Variants in NDE1 observed in about 807,000 individuals in gnomAD.
The protein encoded by NDE1 is nudE neurodevelopment protein 1.
In NDE1, 28 loss-of-function variants were observed where a neutral mutation model predicts 43.4. That is an observed-to-expected ratio of 0.65 (90% CI 0.48 to 0.89). The LOEUF is 0.89. NDE1 is among the 40% of genes least tolerant of loss of function. NDE1 has a pLI of 0.00. For synonymous variants in NDE1, 184 were observed against 172.0 expected (o/e 1.07, Z -0.55); for missense variants, 441 against 434.1 (o/e 1.02, Z -0.14).
In NDE1 at chr16:15,686,462, G is replaced by C. The variant is rs1016683920; in HGVS notation, c.387-913G>C. Reference sequence around the variant, plus strand: ...GGTTGTGAGCAGGGCAGCTGGGCTGGTACTGGGCATTTTGAACTTCCACTG... The same window carrying C: ...GGTTGTGAGCAGGGCAGCTGGGCTGCTACTGGGCATTTTGAACTTCCACTG... On this transcript the variant is annotated intron_variant, in intron 4 of 8. Coordinates refer to ENST00000396354, the MANE Select transcript of NDE1 (RefSeq NM_017668.3). The C allele has an allele frequency of 1.1e-5, 11 of 985,248 alleles. No homozygotes were observed. The African/African-American group carries it at 1.4e-4, about 13-fold the overall frequency. The allele number at this position is 985,248 out of a possible 1,614,324, so 61.0% of individuals were successfully genotyped here.
Position 15,725,447 on chromosome 16 carries a change from C to T in NDE1, c.*1196C>T, listed in dbSNP as rs2040706282. The T allele has an allele frequency of 2.2e-6, 1 of 444,476 alleles. No individual in the cohort carries two copies. Among genetic ancestry groups the T allele is most frequent in the Non-Finnish European group, 3.9e-6 (1 of 257,448 alleles). The allele number at this position is 444,476 out of a possible 1,614,324, so 27.5% of individuals were successfully genotyped here. The stretch of plus-strand genomic sequence containing the variant: ...GATGCTGTCCCATCCCTTCCTTCCT[C>T]ACTCCTACTCTTTGACCCTGATGGC... On this transcript the variant is annotated 3_prime_UTR_variant, in exon 9 of 9. Transcript: ENST00000396354.
Position 15,708,726 on chromosome 16 carries a change from T to C in NDE1, c.947+11866T>C, listed in dbSNP as rs375413331. The stretch of plus-strand genomic sequence containing the variant: ...ATGTGCAAGGGTTTAAAAATTGGGG[T>C]GGGCAGAGGGGCGCATTGGGCAGAA... On this transcript the variant is annotated intron_variant, in intron 8 of 8. Transcript: ENST00000396354. 9.1e-3 allele frequency: 13,197 copies of C among 1,452,414 alleles called. 84 individuals carry two copies. Among genetic ancestry groups the C allele is most frequent in the Middle Eastern group, 0.013 (75 of 5,686 alleles). 90.0% of individuals were successfully genotyped at this position (1,452,414 alleles called of 1,614,324 possible).
chr16:15,688,070 G>A (rs1277738298), intron 5 of NDE1, among the ~76,000 whole-genome samples: 2 of 152,190 alleles, frequency 1.3e-5, no homozygotes, highest in Non-Finnish European at 2.9e-5. Flanking sequence ...CAGCTACTCA[G>A]GAAGCCAAGG....
chr16:15,720,770 A>C, intron 8 of NDE1: 1 of 1,492,288 alleles, frequency 6.7e-7, no homozygotes. Flanking sequence ...CACACCAACC[A>C]TGAGAGTGGT....
chr16:15,650,322 G>A, intron 1 of NDE1, 28 bp downstream of exon 1: 2 of 255,976 alleles, frequency 7.8e-6, no homozygotes, highest in South Asian at 6.2e-5. Context: ...CGGGGCTGGG[G>A]TCGGGGTGGC....
intron 7 of NDE1, chr16:15,694,795 T>C: frequency 1.0e-6 from 1 of 985,396 alleles, no homozygotes; most frequent in Non-Finnish European, 1.2e-6. Context: ...CTCTTTCCTT[T>C]TACCGTTTTT....
intron 8 of NDE1, chr16:15,714,800 A>C: frequency 7.6e-7 from 1 of 1,316,720 alleles, no homozygotes; most frequent in Non-Finnish European, 1.1e-6. Flanking sequence ...CACAGAAGGG[A>C]GTGGCGGCTG....
chr16:15,676,883 C>T (rs1179012935), intron 3 of NDE1, among the ~76,000 whole-genome samples: 1 of 152,236 alleles, frequency 6.6e-6, no homozygotes, highest in East Asian at 1.9e-4. Flanking sequence ...GCTGGTGACT[C>T]TCTTTGTAAT....
At chr16:15,686,384 T>C (rs1029766640) in intron 4 of NDE1, 2 of 985,450 alleles carry the variant, frequency 2.0e-6, no homozygotes, top group Admixed American at 1.2e-4. Flanking sequence ...GATTGTTTTC[T>C]TACAGCACTT....
At chr16:15,679,767 T>C (rs1685401802) in intron 4 of NDE1, among the ~76,000 whole-genome samples, 1 of 150,940 alleles carries the variant, frequency 6.6e-6, no homozygotes. Flanking sequence ...TCCCACAGAC[T>C]ATTAGTTGTT....
At chr16:15,711,050 GCTGTACTTTGGGAGCCTAGGC>G (rs1190154006) in intron 8 of NDE1, 1 of 152,264 alleles carries the variant, frequency 6.6e-6, no homozygotes, top group Non-Finnish European at 1.5e-5. Context: ...CCAGGCCCCT[GCTGTACTTTGGGAGCCTAGGC>G]CTGGTTTCTC....
Position 15,724,255 on chromosome 16 carries a change from C to T in NDE1, c.*4C>T. On this transcript the variant is annotated 3_prime_UTR_variant, in exon 9 of 9. Transcript: ENST00000396354. The stretch of plus-strand genomic sequence containing the variant: ...CAGGTCGTCCAGCTCCTGCTGAAGC[C>T]TGTTCTTGGTCTTTTCCAGTTTATC... 6.2e-7 allele frequency: 1 copy of T among 1,614,208 alleles called. No individual in the cohort carries two copies.
intron 1 of NDE1, among the ~76,000 whole-genome samples, chr16:15,658,450 C>T (rs946613017): frequency 6.6e-6 from 1 of 152,172 alleles, no homozygotes; most frequent in African/African-American, 2.4e-5. Context: ...GTTAGGCCCA[C>T]CCATGAGCTG....
chr16:15,717,367 G>C, intron 8 of NDE1: 1 of 1,602,598 alleles, frequency 6.2e-7, no homozygotes, highest in Non-Finnish European at 8.5e-7. Context: ...GAGAGTGAAG[G>C]CCATGAGGCG....
chr16:15,703,319 AAAGGCCTGACGTGAG>A, intron 8 of NDE1: 1 of 229,242 alleles, frequency 4.4e-6, no homozygotes. Context: ...AAGAATTCTC[AAAGGCCTGACGTGAG>A]AAGTTGGAAA....
rs1356728550 is a variant in NDE1 at position 15,724,608 on chromosome 16, A to G, written c.*357A>G. 2 of 1,612,938 alleles carry G rather than the reference A, an allele frequency of 1.2e-6. No homozygotes were observed. The highest frequency in any genetic ancestry group is 2.2e-5 in the South Asian group (2 of 91,024). ...GGGGGATCTCAGCGCAGAGAAGTTG[A>G]GAGGACCCATGAAGGAAGCAAGGAC... On this transcript the variant is annotated 3_prime_UTR_variant, in exon 9 of 9. Transcript: ENST00000396354.
chr16:15,670,502 A>C (rs1427434935), intron 3 of NDE1, among the ~76,000 whole-genome samples: 1 of 151,980 alleles, frequency 6.6e-6, no homozygotes, highest in Admixed American at 6.6e-5. Flanking sequence ...TACTAAAACT[A>C]CAAAATTAGC....
chr16:15,667,177 C>G, intron 2 of NDE1, 109 bp from the exon 3 acceptor site: 1 of 1,263,604 alleles, frequency 7.9e-7, no homozygotes, highest in Non-Finnish European at 1.2e-6. Flanking sequence ...ACCTGGAAAG[C>G]AGAGGTTGCA....
At chr16:15,708,955 CTTT>C (rs772767049) in intron 8 of NDE1, 4 of 1,145,968 alleles carry the variant, frequency 3.5e-6, no homozygotes, top group Non-Finnish European at 3.8e-6. Flanking sequence ...TAAAGGCACT[CTTT>C]TTTATTTTGA....
Sources: allele counts gnomAD v4.1 joint callset (sites outside exome capture counted in the v4.1 genomes callset), GRCh38; gene constraint gnomAD v4.1.1; transcripts MANE v1.5; gene names NCBI Gene and HGNC (gene_info 2026-07-23, HGNC 2026-07-21).